SEZ6L: variants seen among roughly 807,000 people sequenced by gnomAD.
The protein encoded by SEZ6L is seizure related 6 homolog like, also known as seizure 6-like protein.
In SEZ6L, 37 loss-of-function variants were observed where a neutral mutation model predicts 106.2. The ratio of observed to expected loss-of-function variants is 0.35; its 90% CI spans 0.27 to 0.46. SEZ6L has a LOEUF of 0.46. Ranked by LOEUF, SEZ6L falls within the 20% of genes least tolerant of loss-of-function variation. The pLI is 1.00. For missense variants in SEZ6L, 1,172 were observed against 1,332.8 expected (o/e 0.88, Z 1.88); for synonymous variants, 541 against 570.4 (o/e 0.95, Z 0.73).
Position 26,299,027 on chromosome 22 carries a change from G to A in SEZ6L, c.1206G>A (p.Gly402=). 6.2e-7 allele frequency: 1 copy of A among 1,602,072 alleles called. No individual in the cohort carries two copies. Among genetic ancestry groups the A allele is most frequent in the Admixed American group, 1.7e-5 (1 of 58,272 alleles). ...SCNFPRRPDS[G]DVTVMDLHSG... ...ACTTTCCCCGCCGGCCTGACTCTGG[G>A]GATGTCACGGTGATGGACCTGCACT... Residue 402 remains glycine, a synonymous_variant, in exon 5 of 17, where the codon GGG becomes GGA. Transcript: ENST00000248933.
chr22:26,258,932 T>A (rs1480201994), intron 1 of SEZ6L, among the ~76,000 whole-genome samples: 1 of 152,148 alleles, frequency 6.6e-6, no homozygotes, highest in Non-Finnish European at 1.5e-5. Context: ...GGAAGGAGGA[T>A]CTTTTGGAGG....
chr22:26,295,089 T>C (rs2081264335), intron 3 of SEZ6L, among the ~76,000 whole-genome samples: 1 of 152,240 alleles, frequency 6.6e-6, no homozygotes, highest in Non-Finnish European at 1.5e-5. Context: ...AAGTCCTACC[T>C]CTTCCAGTTA....
intron 13 of SEZ6L, 101 bp downstream of exon 13, chr22:26,365,667 G>T: frequency 4.6e-6 from 5 of 1,096,418 alleles, no homozygotes; most frequent in Non-Finnish European, 6.4e-6. Flanking sequence ...TGGACTAGGA[G>T]TTCGAGACCA....
rs199786433 is a variant in SEZ6L, at chr22:26,329,227, G to A, written c.2016-11209G>A. Reference sequence around the variant, plus strand: ...TCAAACCTGTAATCCCAGCACTCTGGGAGGCCAAGGCAGGTGGATCATCTG... The same window carrying A: ...TCAAACCTGTAATCCCAGCACTCTGAGAGGCCAAGGCAGGTGGATCATCTG... On this transcript the variant is annotated intron_variant, in intron 9 of 16. Transcript: ENST00000248933. 4.6e-5 allele frequency among the ~76,000 whole-genome samples: 7 copies of A among 152,260 alleles called. No individual in the cohort carries two copies. In the East Asian group the frequency reaches 1.4e-3, roughly 29 times the overall value.
At chr22:26,193,508 G>A (rs892969728) in intron 1 of SEZ6L, among the ~76,000 whole-genome samples, 1 of 152,194 alleles carries the variant, frequency 6.6e-6, no homozygotes, top group African/African-American at 2.4e-5. Context: ...ATGCATAAAT[G>A]AGAACGGTAT....
At chr22:26,377,522 T>C (rs1000728489) in intron 15 of SEZ6L, 151 bp from the exon 16 acceptor site, 2 of 643,244 alleles carry the variant, frequency 3.1e-6, no homozygotes, top group African/African-American at 3.6e-5. Context: ...CTCACTAGGA[T>C]TCTCGCCTGC....
rs964202780 is a variant in SEZ6L, at chr22:26,207,665, G to A, written c.94+37902G>A. Among the ~76,000 whole-genome samples the A allele has an allele frequency of 2.0e-5, 3 of 151,238 alleles. No homozygotes were observed. In the East Asian group the frequency reaches 5.8e-4, roughly 29 times the overall value. ...TTTAGAATTACATTTTAATTTACCTGTTGGTTTTTTTGCTATACATTTTTG... is the reference window on the plus strand; with the variant it reads ...TTTAGAATTACATTTTAATTTACCTATTGGTTTTTTTGCTATACATTTTTG... On this transcript the variant is annotated intron_variant, in intron 1 of 16. Coordinates refer to ENST00000248933, the MANE Select transcript of SEZ6L (RefSeq NM_021115.5).
At chr22:26,219,877 C>T (rs1005026320) in intron 1 of SEZ6L, among the ~76,000 whole-genome samples, 4 of 152,094 alleles carry the variant, frequency 2.6e-5, no homozygotes, top group Non-Finnish European at 4.4e-5. Flanking sequence ...GGTTGACAAG[C>T]GCAACAAACC....
intron 1 of SEZ6L, among the ~76,000 whole-genome samples, chr22:26,230,246 C>T (rs1292412379): frequency 1.3e-5 from 2 of 152,102 alleles, no homozygotes; most frequent in African/African-American, 4.8e-5. Flanking sequence ...CATCAAGCCC[C>T]TCACTTTACA....
intron 1 of SEZ6L, among the ~76,000 whole-genome samples, chr22:26,195,301 T>C (rs963199181): frequency 6.6e-6 from 1 of 152,220 alleles, no homozygotes; most frequent in Non-Finnish European, 1.5e-5. Flanking sequence ...TTAGGAATTA[T>C]ATAGTGACTT....
chr22:26,354,388 AC>A (rs201124164), intron 12 of SEZ6L, among the ~76,000 whole-genome samples: 10 of 149,646 alleles, frequency 6.7e-5, no homozygotes. Context: ...CGAAGGAAGG[AC>A]CCCCCCCAAC....
At chr22:26,287,476 T>C (rs527666721) in intron 1 of SEZ6L, among the ~76,000 whole-genome samples, 2 of 152,192 alleles carry the variant, frequency 1.3e-5, no homozygotes, top group African/African-American at 4.8e-5. Flanking sequence ...ACTATCATGA[T>C]AGAAAATTTT....
At chr22:26,216,364 A>G (rs2078299721) in intron 1 of SEZ6L, among the ~76,000 whole-genome samples, 1 of 152,156 alleles carries the variant, frequency 6.6e-6, no homozygotes, top group Non-Finnish European at 1.5e-5. Context: ...CTAAGAAATG[A>G]TCCAGCAGGG....
rs201869380 is a variant in SEZ6L at position 26,311,926 on chromosome 22, G to A, written c.1840G>A (p.Asp614Asn). ...CATCATCGAATGCATCAATGTGCGG[G>A]ACCCATACTGGAATGACACAGAGCC... ...PAIIECINVR[D>N]PYWNDTEPLC... Residue 614 changes from aspartate to asparagine, a missense_variant, in exon 8 of 17, where the codon GAC becomes AAC. Physicochemically the swap from Asp to Asn is conservative, Grantham distance 23 (BLOSUM62 1). Transcript: ENST00000248933. 4.3e-6 allele frequency: 7 copies of A among 1,614,176 alleles called. No homozygotes were observed. The Admixed American group carries it at 1.2e-4, about 27-fold the overall frequency.
chr22:26,275,654 G>T (rs903923422), intron 1 of SEZ6L, among the ~76,000 whole-genome samples: 1 of 152,136 alleles, frequency 6.6e-6, no homozygotes, highest in African/African-American at 2.4e-5. Context: ...GCCTCAGTTT[G>T]CCCATCTGTA....
rs2084451111 is a variant in SEZ6L, at chr22:26,382,792, C to G, written c.*2497C>G. On this transcript the variant is annotated 3_prime_UTR_variant, in exon 17 of 17. Coordinates refer to ENST00000248933, the MANE Select transcript of SEZ6L (RefSeq NM_021115.5). ...GCATCTCATTACAGCTCATGTACGT[C>G]TGTTTTTATAAGATCAATATTAAAA... The G allele has an allele frequency of 6.6e-6, 1 of 152,098 alleles. No individual in the cohort carries two copies. Among genetic ancestry groups the G allele is most frequent in the African/African-American group, 2.4e-5 (1 of 41,418 alleles). 9.4% of individuals were successfully genotyped at this position (152,098 alleles called of 1,614,324 possible).
At chr22:26,315,568 G>T (rs1247812685) in intron 9 of SEZ6L, among the ~76,000 whole-genome samples, 1 of 152,162 alleles carries the variant, frequency 6.6e-6, no homozygotes, top group Admixed American at 6.5e-5. Flanking sequence ...GCTGCCCCTT[G>T]TGGACTTGGG....
intron 1 of SEZ6L, among the ~76,000 whole-genome samples, chr22:26,289,948 G>A (rs952214495): frequency 7.2e-5 from 11 of 152,180 alleles, no homozygotes; most frequent in African/African-American, 2.4e-4. Context: ...GTTTCCTGCC[G>A]AGGGGCTGTG....
rs117864831 is a variant in SEZ6L, at chr22:26,317,124, T to C, written c.2015+3222T>C. Among the ~76,000 whole-genome samples the C allele has an allele frequency of 2.5e-3, 379 of 152,234 alleles. 9 individuals carry two copies. The East Asian group carries it at 0.059, about 24-fold the overall frequency. ...CAAAGCATGGCAGGTGGGTAGAGAC[T>C]ACAGAGGGAATGGATCAAAGGGAAG... is the stretch of plus-strand genomic sequence containing the variant. On this transcript the variant is annotated intron_variant, in intron 9 of 16. Transcript: ENST00000248933.
Sources: gnomAD v4.1 joint callset for allele counts (sites outside exome capture counted in the v4.1 genomes callset) on GRCh38, gnomAD v4.1.1 for gene constraint, MANE v1.5 for transcripts, NCBI Gene and HGNC (gene_info 2026-07-23, HGNC 2026-07-21) for gene names.